MAMDC2: variants seen among roughly 807,000 people sequenced by gnomAD.
MAMDC2 encodes MAM domain-containing protein 2.
MAMDC2 carries 57 observed loss-of-function variants against 89.8 expected under a neutral mutation model. The ratio of observed to expected loss-of-function variants is 0.63; its 90% CI spans 0.51 to 0.79. The LOEUF (loss-of-function observed/expected upper bound fraction) is 0.79, where lower values mean the gene tolerates loss of function less well. MAMDC2 is among the 30% of genes least tolerant of loss of function. The pLI, the probability that MAMDC2 is intolerant of heterozygous loss-of-function variation, is 0.00. For missense variants in MAMDC2, 800 were observed against 820.6 expected (o/e 0.97, Z 0.31); for synonymous variants, 313 against 293.4 (o/e 1.07, Z -0.68).
At chr9:70,062,275 A>G (rs183844530) in intron 2 of MAMDC2, among the ~76,000 whole-genome samples, 140 of 152,146 alleles carry the variant, frequency 9.2e-4, no homozygotes, top group African/African-American at 3.1e-3. Flanking sequence ...ACACACACAC[A>G]CACACTATCT....
intron 2 of MAMDC2, among the ~76,000 whole-genome samples, chr9:70,074,064 C>T (rs1449982167): frequency 1.3e-5 from 2 of 152,164 alleles, no homozygotes; most frequent in South Asian, 4.1e-4. Flanking sequence ...GGAATCAAAT[C>T]CTCTACCCCA....
At chr9:70,116,959 C>A (rs2030030507) in intron 5 of MAMDC2, among the ~76,000 whole-genome samples, 1 of 152,098 alleles carries the variant, frequency 6.6e-6, no homozygotes. Context: ...TTCCCCAAGG[C>A]AGGCAGCTTT....
chr9:70,099,617 G>A (rs2118213292), intron 2 of MAMDC2, among the ~76,000 whole-genome samples: 1 of 152,266 alleles, frequency 6.6e-6, no homozygotes, highest in African/African-American at 2.4e-5. Context: ...AGGCACTAGG[G>A]AGAATAGATC....
intron 11 of MAMDC2, 131 bp downstream of exon 11, chr9:70,170,762 A>G: frequency 1.2e-6 from 1 of 803,044 alleles, no homozygotes; most frequent in Non-Finnish European, 1.9e-6. Context: ...GTGATTCTAC[A>G]CACACAGGAT....
intron 11 of MAMDC2, among the ~76,000 whole-genome samples, chr9:70,182,211 G>C (rs529707082): frequency 1.8e-4 from 27 of 152,174 alleles, no homozygotes; most frequent in Middle Eastern, 3.2e-3. Flanking sequence ...AAGCCGACTT[G>C]ATTGTGGTGG....
intron 2 of MAMDC2, among the ~76,000 whole-genome samples, chr9:70,084,915 C>A (rs1484877708): frequency 1.3e-5 from 2 of 152,170 alleles, no homozygotes; most frequent in East Asian, 1.9e-4. Flanking sequence ...TTTTAAAAAT[C>A]ATGAACTTTA....
intron 11 of MAMDC2, among the ~76,000 whole-genome samples, chr9:70,208,091 C>T (rs2033268426): frequency 6.6e-6 from 1 of 152,116 alleles, no homozygotes; most frequent in Non-Finnish European, 1.5e-5. Context: ...GTTCTTTTGG[C>T]TTAGGATTGC....
chr9:70,143,748 T>C lies in MAMDC2; in HGVS notation c.1333T>C (p.Ser445Pro). 1 of 1,614,192 alleles carries C rather than the reference T, an allele frequency of 6.2e-7. No individual in the cohort carries two copies. Among genetic ancestry groups the C allele is most frequent in the South Asian group, 1.1e-5 (1 of 91,086 alleles). Residue 445 changes from serine to proline, a missense_variant, in exon 9 of 14, where the codon TCT becomes CCT. Coordinates refer to ENST00000377182, the MANE Select transcript of MAMDC2 (RefSeq NM_153267.5). ...CCATGTGGTTCAAGAGAAGATCTGG[T>C]CTGTGTTGGAGTCCCCAAGGGGTGT... ...ENHVVQEKIW[S>P]VLESPRGVWM...
rs759288063 is a variant in MAMDC2 at position 70,131,564 on chromosome 9, G to T, written c.946G>T (p.Ala316Ser). The change falls in exon 7 of 14, where the codon GCC becomes TCC. Residue 316 changes from alanine to serine, a missense_variant. Ala to Ser is a moderately conservative substitution (Grantham distance 99, BLOSUM62 1). Coordinates refer to ENST00000377182, the MANE Select transcript of MAMDC2 (RefSeq NM_153267.5). Reference protein sequence around the residue: ...AFNGPKGGYVALDDISFSPVH... With the variant: ...AFNGPKGGYVSLDDISFSPVH... ...CAATGGTCCCAAGGGAGGTTATGTT[G>T]CCCTGGATGATATTTCATTCTCTCC... 6.2e-7 allele frequency: 1 copy of T among 1,609,730 alleles called. No individual in the cohort carries two copies. Among genetic ancestry groups the T allele is most frequent in the South Asian group, 1.1e-5 (1 of 89,850 alleles).
rs757596869 is a variant in MAMDC2, at chr9:70,113,119, C to T, written c.630C>T (p.Phe210=). ...VHSILPQDHT[F]KSELGHYMYV... The stretch of plus-strand genomic sequence containing the variant: ...CCATTCTCCCACAGGATCACACCTT[C>T]AAGAGTGAACTGGGTGAGCTGGGAT... Residue 210 remains phenylalanine, a synonymous_variant, in exon 5 of 14, where the codon TTC becomes TTT. Coordinates refer to ENST00000377182, the MANE Select transcript of MAMDC2 (RefSeq NM_153267.5). 6.2e-7 allele frequency: 1 copy of T among 1,613,972 alleles called. No individual in the cohort carries two copies. Among genetic ancestry groups the T allele is most frequent in the Admixed American group, 1.7e-5 (1 of 59,994 alleles).
intron 11 of MAMDC2, chr9:70,216,350 G>A (rs2033445348): frequency 6.6e-6 from 1 of 152,148 alleles, no homozygotes; most frequent in South Asian, 2.1e-4. Flanking sequence ...TTCCTGGTGA[G>A]GGCTCTTTTC....
intron 11 of MAMDC2, among the ~76,000 whole-genome samples, chr9:70,203,315 A>C (rs2033146551): frequency 6.7e-6 from 1 of 149,646 alleles, no homozygotes; most frequent in Non-Finnish European, 1.5e-5. Flanking sequence ...TCACTTATGA[A>C]GCTTAGTTTG....
At chr9:70,202,823 C>G (rs2033132226) in intron 11 of MAMDC2, among the ~76,000 whole-genome samples, 1 of 151,238 alleles carries the variant, frequency 6.6e-6, no homozygotes, top group Non-Finnish European at 1.5e-5. Context: ...CCTTCTTTGT[C>G]TCTTGTGATC....
chr9:70,083,783 T>C (rs1446100893), intron 2 of MAMDC2: 1 of 151,810 alleles, frequency 6.6e-6, no homozygotes, highest in Non-Finnish European at 1.5e-5. Context: ...ATGAATGCCC[T>C]GTAGTACTTT....
chr9:70,110,282 G>A (rs1188811474), intron 4 of MAMDC2, among the ~76,000 whole-genome samples: 3 of 152,140 alleles, frequency 2.0e-5, no homozygotes, highest in African/African-American at 7.2e-5. Context: ...GCTTCCAAGA[G>A]GGCATAAAGA....
chr9:70,216,317 C>T (rs937570329), intron 11 of MAMDC2: 2 of 152,200 alleles, frequency 1.3e-5, no homozygotes, highest in Non-Finnish European at 2.9e-5. Flanking sequence ...GAAAGTCCAA[C>T]ATCAAGGTGC....
intron 2 of MAMDC2, among the ~76,000 whole-genome samples, chr9:70,105,515 C>T (rs1828315886): frequency 6.6e-6 from 1 of 152,070 alleles, no homozygotes; most frequent in African/African-American, 2.4e-5. Flanking sequence ...TTTGCATGGA[C>T]TGTAATGCTG....
At chr9:70,141,348 A>T (rs144820157) in intron 8 of MAMDC2, among the ~76,000 whole-genome samples, 3 of 152,192 alleles carry the variant, frequency 2.0e-5, no homozygotes, top group Non-Finnish European at 4.4e-5. Flanking sequence ...TCAGTTTGTC[A>T]ATTTTCAAAG....
chr9:70,160,543 C>T (rs1049264226), intron 9 of MAMDC2, among the ~76,000 whole-genome samples: 1 of 152,172 alleles, frequency 6.6e-6, no homozygotes, highest in Non-Finnish European at 1.5e-5. Flanking sequence ...CAATCAGACA[C>T]ACTTTGCTCT....
Sources: gnomAD v4.1 joint callset for allele counts (sites outside exome capture counted in the v4.1 genomes callset) on GRCh38, gnomAD v4.1.1 for gene constraint, MANE v1.5 for transcripts, NCBI Gene and HGNC (gene_info 2026-07-23, HGNC 2026-07-21) for gene names.